TMEM108: variants seen among roughly 807,000 people sequenced by gnomAD.
TMEM108 encodes the protein transmembrane protein 108.
Under a neutral mutation model 35.1 loss-of-function variants are expected in TMEM108, and 12 were observed. The ratio of observed to expected loss-of-function variants is 0.34; its 90% CI spans 0.22 to 0.55. The LOEUF (loss-of-function observed/expected upper bound fraction) is 0.55, where lower values mean the gene tolerates loss of function less well. Among genes scored for constraint, TMEM108 ranks in the 20% least tolerant of loss-of-function variants. The pLI, the probability that TMEM108 is intolerant of heterozygous loss-of-function variation, is 0.89. For synonymous variants in TMEM108, 287 were observed against 308.6 expected (o/e 0.93, Z 0.73); for missense variants, 680 against 753.3 (o/e 0.90, Z 1.14).
intron 1 of TMEM108, among the ~76,000 whole-genome samples, chr3:133,044,385 C>G (rs1943310445): frequency 6.6e-6 from 1 of 151,990 alleles, no homozygotes; most frequent in South Asian, 2.1e-4. Flanking sequence ...TACCTGGTAC[C>G]CAGACTAAAC....
chr3:133,389,462 T>C, intron 4 of TMEM108: 4 of 921,506 alleles, frequency 4.3e-6, no homozygotes, highest in Non-Finnish European at 5.2e-6. Flanking sequence ...GGCAGGCGGA[T>C]TACCTGAGGT....
intron 3 of TMEM108, among the ~76,000 whole-genome samples, chr3:133,353,577 A>C (rs1197903943): frequency 2.0e-5 from 3 of 152,086 alleles, no homozygotes; most frequent in Non-Finnish European, 4.4e-5. Flanking sequence ...TGACCCAATA[A>C]ATTAGGATCT....
At chr3:133,167,602 G>T (rs1325116285) in intron 2 of TMEM108, among the ~76,000 whole-genome samples, 2 of 152,224 alleles carry the variant, frequency 1.3e-5, no homozygotes, top group African/African-American at 2.4e-5. Context: ...AGTGCTGGGG[G>T]ACCTGGTGCA....
In TMEM108 at chr3:133,089,803, G is replaced by C. The variant is rs150010083; in HGVS notation, c.-47+43783G>C. Among the ~76,000 whole-genome samples the C allele has an allele frequency of 6.6e-5, 10 of 152,330 alleles. No homozygotes were observed. In the East Asian group the frequency reaches 1.9e-3, roughly 29 times the overall value. On this transcript the variant is annotated intron_variant, in intron 2 of 5. Transcript: ENST00000321871. ...TTCATAAACTGACCTGCTGAAGGCA[G>C]GTCTGACTATCTTGAATAGACAGCA... is the stretch of plus-strand genomic sequence containing the variant.
chr3:133,238,115 C>T, intron 3 of TMEM108, among the ~76,000 whole-genome samples: 1 of 142,656 alleles, frequency 7.0e-6, no homozygotes. Flanking sequence ...ATCCCTCCTC[C>T]CTCACTCACA....
chr3:133,047,954 G>C (rs1313241801), intron 2 of TMEM108, among the ~76,000 whole-genome samples: 1 of 152,148 alleles, frequency 6.6e-6, no homozygotes, highest in East Asian at 1.9e-4. Flanking sequence ...CACTAACTGA[G>C]GAACAGTGGA....
chr3:133,229,864 G>A (rs1946126869), intron 3 of TMEM108, among the ~76,000 whole-genome samples: 2 of 152,218 alleles, frequency 1.3e-5, no homozygotes, highest in Admixed American at 1.3e-4. Context: ...TGGTGAAAAT[G>A]TGACTTCTTG....
chr3:133,234,087 T>C (rs1456226854), intron 3 of TMEM108, among the ~76,000 whole-genome samples: 1 of 152,154 alleles, frequency 6.6e-6, no homozygotes, highest in Non-Finnish European at 1.5e-5. Flanking sequence ...GCCATTGCTT[T>C]TGGTGTTTTA....
intron 3 of TMEM108, among the ~76,000 whole-genome samples, chr3:133,303,806 G>A (rs945283393): frequency 6.6e-6 from 1 of 152,126 alleles, no homozygotes; most frequent in African/African-American, 2.4e-5. Context: ...AAAATCTATT[G>A]GAAAGACAAA....
In TMEM108 at chr3:133,306,665, G is replaced by C. The variant is rs551426256; in HGVS notation, c.41-73087G>C. Among the ~76,000 whole-genome samples the C allele has an allele frequency of 1.2e-4, 18 of 152,176 alleles. No individual in the cohort carries two copies. The South Asian group carries it at 3.5e-3, about 30-fold the overall frequency. On this transcript the variant is annotated intron_variant, in intron 3 of 5. Transcript: ENST00000321871. ...AGTTTGCTGAGAATGATAGTTTCCA[G>C]CTTCATCCATGTCCCTGCAAAGGAC...
intron 2 of TMEM108, among the ~76,000 whole-genome samples, chr3:133,094,287 A>G (rs1357180547): frequency 7.1e-6 from 1 of 140,862 alleles, no homozygotes; most frequent in Non-Finnish European, 1.5e-5. Context: ...CTTGATACAA[A>G]TGGAAGGAAT....
chr3:133,253,373 G>T (rs1305492307), intron 3 of TMEM108: 1 of 152,166 alleles, frequency 6.6e-6, no homozygotes, highest in Non-Finnish European at 1.5e-5. Context: ...TATATAAAGT[G>T]CATCAAGTGA....
intron 2 of TMEM108, among the ~76,000 whole-genome samples, chr3:133,167,506 A>G (rs1945059555): frequency 6.6e-6 from 1 of 152,236 alleles, no homozygotes; most frequent in Non-Finnish European, 1.5e-5. Context: ...GGACTTGGGC[A>G]TGGTGGGCTA....
chr3:133,388,382 A>G, intron 4 of TMEM108: 8 of 938,374 alleles, frequency 8.5e-6, no homozygotes, highest in Non-Finnish European at 1.0e-5. Context: ...TTTTTCCTCT[A>G]GAATAAGGAG....
chr3:133,272,855 A>G (rs1477199958), intron 3 of TMEM108, among the ~76,000 whole-genome samples: 1 of 152,056 alleles, frequency 6.6e-6, no homozygotes, highest in Non-Finnish European at 1.5e-5. Context: ...TGTCACAATG[A>G]CTGGGAAATG....
At chr3:133,060,406 A>G (rs13085017) in intron 2 of TMEM108, among the ~76,000 whole-genome samples, 6,178 of 152,308 alleles carry the variant, frequency 0.041, 174 homozygotes, top group Non-Finnish European at 0.067. Context: ...GCTTATCCCT[A>G]TGAGTTTTGT....
At position 133,068,658 on chromosome 3, in the gene TMEM108, A is replaced by T. The variant is rs56025157; in HGVS notation, c.-47+22638A>T. On this transcript the variant is annotated intron_variant, in intron 2 of 5. Transcript: ENST00000321871. ...CTGATATGTGAAGATTGGATTGAGG[A>T]TCATGATCGAGTGATTTTTTTGTGT... is the stretch of plus-strand genomic sequence containing the variant. Among the ~76,000 whole-genome samples the T allele has an allele frequency of 3.3e-5, 5 of 152,142 alleles. No homozygotes were observed. The East Asian group carries it at 9.7e-4, about 29-fold the overall frequency.
At chr3:133,260,322 A>T (rs1946607280) in intron 3 of TMEM108, among the ~76,000 whole-genome samples, 1 of 152,058 alleles carries the variant, frequency 6.6e-6, no homozygotes, top group African/African-American at 2.4e-5. Context: ...TCAGCATGAG[A>T]TCCCTACTAA....
At chr3:133,388,221 C>G (rs2073182991) in intron 4 of TMEM108, 2 of 985,512 alleles carry the variant, frequency 2.0e-6, no homozygotes, top group Non-Finnish European at 2.4e-6. Context: ...CCAGGTGTTT[C>G]ACCATGCCAG....
Sources: allele counts gnomAD v4.1 joint callset (sites outside exome capture counted in the v4.1 genomes callset), GRCh38; gene constraint gnomAD v4.1.1; transcripts MANE v1.5; gene names NCBI Gene and HGNC (gene_info 2026-07-23, HGNC 2026-07-21).